TECPR1: variants seen among roughly 807,000 people sequenced by gnomAD.
TECPR1 encodes the protein tectonin beta-propeller repeat-containing protein 1.
TECPR1 carries 122 observed loss-of-function variants against 162.4 expected under a neutral mutation model. The observed-to-expected ratio is 0.75, with a 90% CI of 0.65 to 0.87. The LOEUF (loss-of-function observed/expected upper bound fraction) is 0.87, where lower values mean the gene tolerates loss of function less well. Among genes scored for constraint, TECPR1 ranks in the 40% least tolerant of loss-of-function variants. The pLI is 0.00. For synonymous variants in TECPR1, 642 were observed against 670.6 expected, an observed-to-expected ratio of 0.96 and a Z score of 0.66; for missense variants, 1,432 against 1,618.2, an observed-to-expected ratio of 0.88 and a Z score of 1.97.
intron 11 of TECPR1, 63 bp from the exon 12 acceptor site, chr7:98,233,035 A>G (rs1314450085): frequency 2.6e-6 from 4 of 1,511,826 alleles, no homozygotes; most frequent in African/African-American, 2.8e-5. Context: ...GCAGGAAGCC[A>G]CGGCGCTCCC....
chr7:98,243,630 C>T, intron 5 of TECPR1, 38 bp from the exon 6 acceptor site: 3 of 1,596,232 alleles, frequency 1.9e-6, no homozygotes, highest in Non-Finnish European at 2.6e-6. Context: ...CAGTCAGCGC[C>T]CAGTGGGCAC....
chr7:98,218,394 G>A (rs1025338881), intron 23 of TECPR1, among the ~76,000 whole-genome samples: 1 of 152,184 alleles, frequency 6.6e-6, no homozygotes, highest in Non-Finnish European at 1.5e-5. Context: ...GAGAAAGAAA[G>A]AAAGGGCATC....
chr7:98,227,762 C>T (rs1030864419), intron 17 of TECPR1, among the ~76,000 whole-genome samples: 1 of 137,602 alleles, frequency 7.3e-6, no homozygotes, highest in Admixed American at 8.5e-5. Context: ...GCGGAGGTTG[C>T]AGTAAGCTGA....
chr7:98,244,462 G>A (rs1798848461), intron 5 of TECPR1, 109 bp downstream of exon 5: 3 of 1,417,430 alleles, frequency 2.1e-6, no homozygotes, highest in South Asian at 2.8e-5. Flanking sequence ...GTCCCGAGGT[G>A]GGCGTGGTGT....
chr7:98,236,267 G>A (rs2116593998), intron 10 of TECPR1, among the ~76,000 whole-genome samples: 1 of 152,288 alleles, frequency 6.6e-6, no homozygotes, highest in South Asian at 2.1e-4. Flanking sequence ...AACAAACTCG[G>A]GGTAAGACCC....
chr7:98,232,044 G>C lies in TECPR1; in HGVS notation c.1819-85C>G. On this transcript the variant is annotated intron_variant, in intron 12 of 25. Transcript: ENST00000447648. The surrounding 1 kb of genome is among the most constrained non-coding windows in gnomAD (Gnocchi z 4.6). ...GGCGGGGCTGGGGGTGCCCAGAGGA[G>C]GAGGCAGGGCTGGGGTAGGGCCCAC... The C allele has an allele frequency of 6.8e-7, 1 of 1,466,628 alleles. No individual in the cohort carries two copies. The highest frequency in any genetic ancestry group is 9.2e-7 in the Non-Finnish European group (1 of 1,091,958). The allele number at this position is 1,466,628 out of a possible 1,614,324, so 90.9% of individuals were successfully genotyped here.
At chr7:98,231,566 C>A in intron 13 of TECPR1, 193 bp from the exon 14 acceptor site, 2 of 598,084 alleles carry the variant, frequency 3.3e-6, no homozygotes, top group Non-Finnish European at 5.4e-6. Context: ...TGTACCCCCT[C>A]CCCTGGGCAC....
intron 6 of TECPR1, among the ~76,000 whole-genome samples, chr7:98,243,016 A>G (rs1798805842): frequency 5.3e-5 from 2 of 38,014 alleles, no homozygotes; most frequent in African/African-American, 1.3e-4. Flanking sequence ...CCATCCATCC[A>G]CACACCCACC....
rs1798030922 is a variant in TECPR1, at chr7:98,217,134, A to T, written c.*256T>A. 1 of 419,290 alleles carries T rather than the reference A, an allele frequency of 2.4e-6. No homozygotes were observed. Among genetic ancestry groups the T allele is most frequent in the Admixed American group, 4.0e-5 (1 of 25,306 alleles). The allele number at this position is 419,290 out of a possible 1,614,324, so 26.0% of individuals were successfully genotyped here. A position where few individuals can be genotyped will look rare whatever the true frequency, so the allele number is the denominator to read the frequency against. On this transcript the variant is annotated 3_prime_UTR_variant, in exon 26 of 26. Coordinates refer to ENST00000447648, the MANE Select transcript of TECPR1 (RefSeq NM_015395.3). Reference sequence around the variant, plus strand: ...GGGAAGGGTGGGAGGGGCCTCTGGGAGGTGCAGCCCCACCCCATGCCCCAC... The same window carrying T: ...GGGAAGGGTGGGAGGGGCCTCTGGGTGGTGCAGCCCCACCCCATGCCCCAC...
intron 2 of TECPR1, among the ~76,000 whole-genome samples, chr7:98,250,289 TTTAA>T (rs548128862): frequency 6.3e-4 from 96 of 152,180 alleles, no homozygotes; most frequent in Non-Finnish European, 1.1e-3. Context: ...GGTTTTTTTT[TTTAA>T]TTGTCACTTT....
chr7:98,226,536 C>T (rs1379633864), intron 17 of TECPR1: 1 of 1,046,100 alleles, frequency 9.6e-7, no homozygotes. Flanking sequence ...CCACACCCCA[C>T]ATGCTAATTG....
In TECPR1 at chr7:98,242,091, G is replaced by A. The variant is rs970819972; in HGVS notation, c.658-847C>T. ...GCTCCCTCACTCTGCCCGGCCCCTCGCCACCGCCCTTCAGCAGGGCTGAGG... is the reference window on the plus strand; with the variant it reads ...GCTCCCTCACTCTGCCCGGCCCCTCACCACCGCCCTTCAGCAGGGCTGAGG... On this transcript the variant is annotated intron_variant, in intron 6 of 25. Transcript: ENST00000447648. Among the ~76,000 whole-genome samples the A allele has an allele frequency of 5.3e-5, 8 of 152,288 alleles. No homozygotes were observed. The East Asian group carries it at 1.2e-3, about 22-fold the overall frequency.
At chr7:98,228,833 G>T in intron 16 of TECPR1, 1 of 622,246 alleles carries the variant, frequency 1.6e-6, no homozygotes, top group Non-Finnish European at 2.6e-6. Flanking sequence ...TGCCTCTCTG[G>T]AACCTTCGAG....
rs918181799 is a variant in TECPR1, at chr7:98,218,084, C to T, written c.3158-42G>A. The T allele has an allele frequency of 2.4e-5, 36 of 1,497,534 alleles. No individual in the cohort carries two copies. The African/African-American group carries it at 3.6e-4, about 15-fold the overall frequency. The allele number at this position is 1,497,534 out of a possible 1,614,324, so 92.8% of individuals were successfully genotyped here. On this transcript the variant is annotated intron_variant, in intron 23 of 25. Coordinates refer to ENST00000447648, the MANE Select transcript of TECPR1 (RefSeq NM_015395.3). Reference sequence around the variant, plus strand: ...TGAGGGTCAAAGGGGAAGACCTTCCCGGCCCCTCCTGCCCGTGCGGCCCGG... The same window carrying T: ...TGAGGGTCAAAGGGGAAGACCTTCCTGGCCCCTCCTGCCCGTGCGGCCCGG...
intron 6 of TECPR1, among the ~76,000 whole-genome samples, chr7:98,243,104 AC>A (rs34381202): frequency 0.023 from 89 of 3,908 alleles, 20 homozygotes; most frequent in East Asian, 0.059. Context: ...CTGCCCACAC[AC>A]CCACCCATCC....
At chr7:98,223,602 C>T in intron 20 of TECPR1, 60 bp downstream of exon 20, 2 of 1,591,374 alleles carry the variant, frequency 1.3e-6, no homozygotes, top group South Asian at 1.1e-5. Flanking sequence ...ACCAGAGCTC[C>T]CTCAAGGGTG....
At chr7:98,223,823 T>C in intron 19 of TECPR1, 105 bp from the exon 20 acceptor site, 1 of 1,268,712 alleles carries the variant, frequency 7.9e-7, no homozygotes, top group Non-Finnish European at 1.1e-6. Flanking sequence ...GCATGGGGAC[T>C]GGGTGGAAGC....
chr7:98,235,004 G>A (rs1272665716), intron 10 of TECPR1, among the ~76,000 whole-genome samples: 2 of 152,078 alleles, frequency 1.3e-5, no homozygotes, highest in African/African-American at 2.4e-5. Flanking sequence ...GTGAGCTACC[G>A]CACCCAGCCT....
intron 5 of TECPR1, 53 bp downstream of exon 5, chr7:98,244,518 G>A: frequency 3.2e-6 from 5 of 1,544,666 alleles, no homozygotes; most frequent in Non-Finnish European, 4.4e-6. Flanking sequence ...GGCTGCATGT[G>A]ACACTCTGTC....
Sources: allele counts gnomAD v4.1 joint callset (sites outside exome capture counted in the v4.1 genomes callset), GRCh38; gene constraint gnomAD v4.1.1; non-coding constraint Gnocchi (gnomAD v3.1); transcripts MANE v1.5; gene names NCBI Gene and HGNC (gene_info 2026-07-23, HGNC 2026-07-21).